Variants in PHACTR1 observed in about 807,000 individuals in gnomAD.
PHACTR1 encodes the protein RPEL repeat containing 1.
A neutral mutation model predicts 69.2 loss-of-function variants in PHACTR1; 16 were observed. That is an observed-to-expected ratio of 0.23 (90% CI 0.16 to 0.35). PHACTR1 has a LOEUF of 0.35. Among genes scored for constraint, PHACTR1 ranks in the 10% least tolerant of loss-of-function variants. The pLI is 1.00. For missense variants in PHACTR1, 510 were observed against 734.7 expected (o/e 0.69, Z 3.54); for synonymous variants, 312 against 284.5 (o/e 1.10, Z -0.97).
chr6:12,868,088 C>G (rs55637633), intron 4 of PHACTR1, among the ~76,000 whole-genome samples: 1 of 151,958 alleles, frequency 6.6e-6, no homozygotes, highest in Non-Finnish European at 1.5e-5. Context: ...GAAATCCCAT[C>G]TCTACTAAAA....
chr6:13,103,712 G>C (rs1375422970), intron 5 of PHACTR1, among the ~76,000 whole-genome samples: 1 of 152,166 alleles, frequency 6.6e-6, no homozygotes, highest in Non-Finnish European at 1.5e-5. Context: ...GTTGGCATTT[G>C]ACAAAACCAT....
At chr6:12,904,304 A>T (rs7759918) in intron 4 of PHACTR1, among the ~76,000 whole-genome samples, 130,498 of 152,066 alleles carry the variant, frequency 0.86, 58,320 homozygotes, top group East Asian at 0.97. Context: ...CCCCAGCAAT[A>T]TAGGAGGCTC....
chr6:12,935,628 CGT>C (rs34887240), intron 4 of PHACTR1, among the ~76,000 whole-genome samples: 8 of 150,732 alleles, frequency 5.3e-5, no homozygotes, highest in Admixed American at 3.3e-4. Context: ...GGTATGCCCA[CGT>C]GTGTGTGTGT....
intron 4 of PHACTR1, among the ~76,000 whole-genome samples, chr6:12,785,443 C>A (rs540206737): frequency 6.6e-6 from 1 of 152,184 alleles, no homozygotes; most frequent in Non-Finnish European, 1.5e-5. Context: ...GACATAGTTA[C>A]GTCTTATGCC....
At chr6:13,159,574 G>A (rs966178315) in intron 5 of PHACTR1, among the ~76,000 whole-genome samples, 3 of 152,166 alleles carry the variant, frequency 2.0e-5, no homozygotes, top group South Asian at 2.1e-4. Context: ...ACTCAATAGC[G>A]ATGTGACTCT....
chr6:13,104,485 A>G (rs1216636918), intron 5 of PHACTR1, among the ~76,000 whole-genome samples: 1 of 152,224 alleles, frequency 6.6e-6, no homozygotes, highest in Non-Finnish European at 1.5e-5. Context: ...AACTTAGCCT[A>G]ATTCATCAAA....
At chr6:12,990,450 T>G (rs1796691363) in intron 4 of PHACTR1, among the ~76,000 whole-genome samples, 1 of 152,170 alleles carries the variant, frequency 6.6e-6, no homozygotes, top group African/African-American at 2.4e-5. Context: ...GGAATGAATT[T>G]CACTCGCTCG....
rs200872024 is a variant in PHACTR1 at position 12,916,927 on chromosome 6, G to GT, written c.251-136431dup. ...ATTGTCAAAGTGATGAATGACTAAT[G>GT]TTTTTTTACTTTCAACATATCAGCA... On this transcript the variant is annotated intron_variant, in intron 4 of 14. Transcript: ENST00000332995. Among the ~76,000 whole-genome samples, 1,385 of 152,226 alleles carry GT rather than the reference G, an allele frequency of 9.1e-3. 26 individuals carry two copies. The highest frequency in any genetic ancestry group is 0.03 in the African/African-American group (1,261 of 41,538).
chr6:13,220,942 G>A (rs993160272), intron 8 of PHACTR1, among the ~76,000 whole-genome samples: 4 of 152,170 alleles, frequency 2.6e-5, no homozygotes, highest in East Asian at 1.9e-4. Flanking sequence ...GTTAATTGGC[G>A]TGGGGGGTAA....
At chr6:13,213,088 T>TTGAGTGAGTGAGTGAGTGAG (rs547670652) in intron 8 of PHACTR1, among the ~76,000 whole-genome samples, 196 of 151,884 alleles carry the variant, frequency 1.3e-3, no homozygotes, top group African/African-American at 4.5e-3. Context: ...GCTTATAGGT[T>TTGAGTGAGTGAGTGAGTGAG]TGAGTGAGTG....
intron 4 of PHACTR1, among the ~76,000 whole-genome samples, chr6:12,830,045 AAAG>A (rs1291952043): frequency 2.7e-5 from 4 of 147,076 alleles, no homozygotes; most frequent in African/African-American, 5.1e-5. Flanking sequence ...GAAAGAAAAG[AAAG>A]AAGGAAGGAA....
intron 5 of PHACTR1, among the ~76,000 whole-genome samples, chr6:13,129,371 A>G (rs1561870046): frequency 6.6e-6 from 1 of 152,148 alleles, no homozygotes; most frequent in Non-Finnish European, 1.5e-5. Flanking sequence ...GGCAGAATGA[A>G]TAAAAAAATC....
intron 4 of PHACTR1, among the ~76,000 whole-genome samples, chr6:13,050,767 C>T (rs1805818256): frequency 6.6e-6 from 1 of 152,210 alleles, no homozygotes; most frequent in Non-Finnish European, 1.5e-5. Flanking sequence ...TCCTATTCTG[C>T]TTCTTCCTTT....
In PHACTR1 at chr6:12,906,225, T is replaced by TA. The variant is rs1317288766; in HGVS notation, c.251-147139dup. On this transcript the variant is annotated intron_variant, in intron 4 of 14. Coordinates refer to ENST00000332995, the MANE Select transcript of PHACTR1 (RefSeq NM_030948.6). ...TCTTATGCTCAGTGGCATTCGACTA[T>TA]AGAATTACTGCAATCTAGGGATTTG... 8.2e-4 allele frequency among the ~76,000 whole-genome samples: 125 copies of TA among 152,346 alleles called. No homozygotes were observed. The Middle Eastern group carries it at 0.017, about 21-fold the overall frequency.
intron 4 of PHACTR1, among the ~76,000 whole-genome samples, chr6:12,782,305 G>C (rs978328994): frequency 1.3e-5 from 2 of 152,110 alleles, no homozygotes; most frequent in Admixed American, 1.3e-4. Context: ...TAGCATACTA[G>C]TTCTGGCTAC....
At chr6:13,065,616 T>A (rs1418711676) in intron 5 of PHACTR1, among the ~76,000 whole-genome samples, 2 of 151,848 alleles carry the variant, frequency 1.3e-5, no homozygotes, top group East Asian at 1.9e-4. Context: ...GAGAAATATA[T>A]AGCAAACAAC....
chr6:13,063,862 C>T (rs1297316208), intron 5 of PHACTR1, among the ~76,000 whole-genome samples: 1 of 151,672 alleles, frequency 6.6e-6, no homozygotes, highest in Non-Finnish European at 1.5e-5. Context: ...AAGACATGGA[C>T]AAGAATCTGC....
chr6:13,173,637 G>A (rs77103596), intron 6 of PHACTR1, among the ~76,000 whole-genome samples: 5 of 152,130 alleles, frequency 3.3e-5, no homozygotes, highest in Admixed American at 2.0e-4. Flanking sequence ...TGGCAGCTTC[G>A]ATTGCAGTGA....
intron 4 of PHACTR1, among the ~76,000 whole-genome samples, chr6:12,856,775 A>T (rs1172580388): frequency 6.6e-6 from 1 of 152,206 alleles, no homozygotes; most frequent in African/African-American, 2.4e-5. Flanking sequence ...AAGAACGGTG[A>T]TATGCCCTTG....
Sources: allele counts gnomAD v4.1 joint callset (sites outside exome capture counted in the v4.1 genomes callset), GRCh38; gene constraint gnomAD v4.1.1; transcripts MANE v1.5; gene names NCBI Gene and HGNC (gene_info 2026-07-23, HGNC 2026-07-21).